Variants in EXT2 observed in about 807,000 individuals in gnomAD.
The protein encoded by EXT2 is exostosin-2.
Under a neutral mutation model 81.6 loss-of-function variants are expected in EXT2, and 53 were observed. The ratio of observed to expected loss-of-function variants is 0.65; its 90% CI spans 0.52 to 0.82. The LOEUF is 0.82. EXT2 is among the 40% of genes least tolerant of loss of function. The pLI, the probability that EXT2 is intolerant of heterozygous loss-of-function variation, is 0.00. For synonymous variants in EXT2, 320 were observed against 340.0 expected (o/e 0.94, Z 0.65); for missense variants, 774 against 910.2 (o/e 0.85, Z 1.93).
At chr11:44,243,767 G>C (rs974020119) in intron 13 of EXT2, among the ~76,000 whole-genome samples, 3 of 151,906 alleles carry the variant, frequency 2.0e-5, no homozygotes, top group Non-Finnish European at 4.4e-5. Flanking sequence ...CAGAGATGGG[G>C]TTAAGAATTG....
intron 10 of EXT2, among the ~76,000 whole-genome samples, chr11:44,231,025 T>C (rs981073302): frequency 2.0e-5 from 3 of 152,178 alleles, no homozygotes; most frequent in African/African-American, 4.8e-5. Flanking sequence ...AGATATAAAA[T>C]AGGATAGAAT....
intron 7 of EXT2, among the ~76,000 whole-genome samples, chr11:44,133,017 C>G (rs954299737): frequency 5.9e-5 from 9 of 152,168 alleles, no homozygotes; most frequent in African/African-American, 1.9e-4. Flanking sequence ...CTACTAGATT[C>G]CAATAGCACC....
intron 4 of EXT2, among the ~76,000 whole-genome samples, 167 bp from the exon 5 acceptor site, chr11:44,124,622 T>C (rs1954370580): frequency 6.6e-6 from 1 of 150,748 alleles, no homozygotes; most frequent in Admixed American, 6.8e-5. Context: ...TCACAATATA[T>C]AATATTTTAA....
chr11:44,241,561 C>T (rs1177795471), intron 13 of EXT2, among the ~76,000 whole-genome samples: 1 of 152,208 alleles, frequency 6.6e-6, no homozygotes, highest in Non-Finnish European at 1.5e-5. Context: ...ATGTTAGTTT[C>T]CTTCCCGGTT....
intron 1 of EXT2, among the ~76,000 whole-genome samples, chr11:44,097,623 T>C (rs957864643): frequency 6.6e-6 from 1 of 152,046 alleles, no homozygotes; most frequent in African/African-American, 2.4e-5. Flanking sequence ...AACTTGTCTC[T>C]ACTAAAAATA....
intron 7 of EXT2, chr11:44,144,337 CA>C: frequency 6.3e-7 from 1 of 1,597,442 alleles, no homozygotes; most frequent in East Asian, 2.2e-5. Flanking sequence ...GTGGGATTCA[CA>C]GGCATGGGTG....
intron 7 of EXT2, among the ~76,000 whole-genome samples, chr11:44,149,453 A>C (rs1252588075): frequency 1.3e-5 from 2 of 152,176 alleles, no homozygotes; most frequent in African/African-American, 2.4e-5. Flanking sequence ...CTCTGATGAT[A>C]ACTAGGTTTT....
rs948878562 is a variant in EXT2, at chr11:44,220,262, A to T, written c.1663-12091A>T. On this transcript the variant is annotated intron_variant, in intron 10 of 13. Coordinates refer to ENST00000533608, the MANE Select transcript of EXT2 (RefSeq NM_207122.2). This position sits in a 1 kb window ranked among gnomAD's most constrained non-coding sequence, Gnocchi z 4.4. ...AAAGTTGAGCTTTTAGAAAACCATA[A>T]TTTTTTTAGGCCTGTTGTGTACCCT... 4.6e-5 allele frequency among the ~76,000 whole-genome samples: 7 copies of T among 152,096 alleles called. No individual in the cohort carries two copies. The highest frequency in any genetic ancestry group is 1.0e-4 in the Non-Finnish European group (7 of 68,024).
At chr11:44,240,745 A>G (rs1322156891) in intron 13 of EXT2, among the ~76,000 whole-genome samples, 1 of 152,244 alleles carries the variant, frequency 6.6e-6, no homozygotes, top group African/African-American at 2.4e-5. Flanking sequence ...ATTTATATTA[A>G]AAATTGAGTC....
intron 9 of EXT2, among the ~76,000 whole-genome samples, chr11:44,201,573 C>T (rs1049192650): frequency 3.9e-5 from 6 of 152,122 alleles, no homozygotes; most frequent in Non-Finnish European, 5.9e-5. Flanking sequence ...CTAAGCCCCT[C>T]TGTGTCTATT....
intron 7 of EXT2, chr11:44,144,195 TA>T: frequency 6.7e-7 from 1 of 1,495,092 alleles, no homozygotes; most frequent in Non-Finnish European, 9.2e-7. Context: ...TGCTCTTATT[TA>T]TTTATTTTTG....
chr11:44,123,608 T>C (rs1210422716), intron 4 of EXT2, among the ~76,000 whole-genome samples: 5 of 152,258 alleles, frequency 3.3e-5, no homozygotes, highest in African/African-American at 1.2e-4. Context: ...ATTTGCGTTA[T>C]ACTCTTGGTT....
intron 1 of EXT2, among the ~76,000 whole-genome samples, chr11:44,100,437 A>T (rs771821615): frequency 6.6e-6 from 1 of 152,182 alleles, no homozygotes; most frequent in Non-Finnish European, 1.5e-5. Flanking sequence ...TGTCACCACG[A>T]GTGGTTTAGG....
chr11:44,234,328 T>A, intron 12 of EXT2, 85 bp downstream of exon 12: 1 of 1,310,852 alleles, frequency 7.6e-7, no homozygotes, highest in Non-Finnish European at 1.1e-6. Flanking sequence ...AACTATAAAT[T>A]AAATATAGGA....
chr11:44,142,172 A>C (rs1954655036), intron 7 of EXT2, among the ~76,000 whole-genome samples: 1 of 152,268 alleles, frequency 6.6e-6, no homozygotes, highest in African/African-American at 2.4e-5. Context: ...AAAATAACTT[A>C]CTATATACTT....
intron 7 of EXT2, among the ~76,000 whole-genome samples, chr11:44,147,478 T>C (rs1184489692): frequency 6.6e-6 from 1 of 152,238 alleles, no homozygotes; most frequent in African/African-American, 2.4e-5. Context: ...CAGAGTTTAC[T>C]AATAACACAC....
At chr11:44,199,592 C>T (rs961945865) in intron 9 of EXT2, among the ~76,000 whole-genome samples, 1 of 152,226 alleles carries the variant, frequency 6.6e-6, no homozygotes, top group Non-Finnish European at 1.5e-5. Flanking sequence ...GTTGCAAATT[C>T]TAGTGCTAAA....
intron 3 of EXT2, among the ~76,000 whole-genome samples, chr11:44,113,056 A>G (rs1022201640): frequency 1.3e-5 from 2 of 152,266 alleles, no homozygotes; most frequent in South Asian, 4.1e-4. Context: ...GAAAAATAAG[A>G]CCGTATGTTG....
intron 10 of EXT2, among the ~76,000 whole-genome samples, chr11:44,218,118 A>G (rs1260047306): frequency 1.3e-5 from 2 of 152,214 alleles, no homozygotes; most frequent in African/African-American, 2.4e-5. Context: ...GTGCTAATAC[A>G]TTGTGAGAAT....
Sources: gnomAD v4.1 joint callset for allele counts (sites outside exome capture counted in the v4.1 genomes callset) on GRCh38, gnomAD v4.1.1 for gene constraint, Gnocchi (gnomAD v3.1) non-coding constraint, MANE v1.5 for transcripts, NCBI Gene and HGNC (gene_info 2026-07-23, HGNC 2026-07-21) for gene names.